Variants in THADA observed in about 807,000 individuals in gnomAD.
THADA encodes the protein THADA armadillo repeat containing.
Under a neutral mutation model 219.8 loss-of-function variants are expected in THADA, and 213 were observed. The observed-to-expected ratio is 0.97, with a 90% CI of 0.87 to 1.09. The LOEUF (loss-of-function observed/expected upper bound fraction) is 1.09, where lower values mean the gene tolerates loss of function less well. Ranked by LOEUF, THADA falls within the 50% of genes least tolerant of loss-of-function variation. The pLI is 0.00. For missense variants in THADA, 2,956 were observed against 2,311.3 expected, an observed-to-expected ratio of 1.28 and a Z score of -5.72; for synonymous variants, 1,018 against 828.9, an observed-to-expected ratio of 1.23 and a Z score of -3.92.
chr2:43,481,752 G>A (rs1182007925), intron 26 of THADA, among the ~76,000 whole-genome samples: 2 of 152,182 alleles, frequency 1.3e-5, no homozygotes, highest in Non-Finnish European at 2.9e-5. Context: ...TTCATGATAA[G>A]TGCTTTCAAA....
chr2:43,495,533 C>G (rs1037823722), intron 25 of THADA, among the ~76,000 whole-genome samples: 1 of 151,864 alleles, frequency 6.6e-6, no homozygotes, highest in Non-Finnish European at 1.5e-5. Flanking sequence ...TAACAGGTGA[C>G]TTTTACTGTT....
chr2:43,569,993 GTCATTAA>G (rs1375856648), intron 14 of THADA, among the ~76,000 whole-genome samples: 1 of 152,174 alleles, frequency 6.6e-6, no homozygotes, highest in Non-Finnish European at 1.5e-5. Flanking sequence ...TGGGCCAAGA[GTCATTAA>G]TATCAAGCCT....
At chr2:43,578,221 C>A (rs935990218) in intron 9 of THADA, among the ~76,000 whole-genome samples, 1 of 151,638 alleles carries the variant, frequency 6.6e-6, no homozygotes, top group African/African-American at 2.4e-5. Context: ...TATCTCACTG[C>A]AGCCTTAAAC....
intron 29 of THADA, among the ~76,000 whole-genome samples, chr2:43,375,990 C>A (rs1418852608): frequency 1.3e-5 from 2 of 152,194 alleles, no homozygotes; most frequent in Admixed American, 6.5e-5. Flanking sequence ...CTGTTTCAGA[C>A]TAAAAGGGGC....
Position 43,298,022 on chromosome 2 carries a change from C to T in THADA, c.4439-4809G>A, listed in dbSNP as rs1387202430. 2.3e-4 allele frequency among the ~76,000 whole-genome samples: 26 copies of T among 111,386 alleles called. 3 individuals carry two copies. Among genetic ancestry groups the T allele is most frequent in the Non-Finnish European group, 7.0e-5 (4 of 57,500 alleles). The allele number at this position is 111,386 out of a possible 152,430, so 73.1% of individuals were successfully genotyped here. ...TGTGGGGGGGGTCAGCCCCCCGGCC[C>T]GGCCAGCCGCCCCGGCCGCCCCTAC... On this transcript the variant is annotated intron_variant, in intron 31 of 37. Transcript: ENST00000405975.
chr2:43,472,268 G>T (rs1276232403), intron 26 of THADA, among the ~76,000 whole-genome samples: 2 of 152,170 alleles, frequency 1.3e-5, no homozygotes, highest in African/African-American at 4.8e-5. Context: ...TATCTCCAGA[G>T]ATGGAAAGCC....
At chr2:43,514,748 A>C (rs1266526223) in intron 22 of THADA, among the ~76,000 whole-genome samples, 1 of 88,158 alleles carries the variant, frequency 1.1e-5, no homozygotes, top group Non-Finnish European at 1.9e-5. Context: ...AATATATAAT[A>C]TTTTATATAT....
intron 26 of THADA, among the ~76,000 whole-genome samples, chr2:43,437,862 T>G (rs983449055): frequency 6.6e-6 from 1 of 152,090 alleles, no homozygotes; most frequent in African/African-American, 2.4e-5. Flanking sequence ...ATCTAAGAAT[T>G]ACATAATCAG....
chr2:43,592,066 A>C lies in THADA; in HGVS notation c.77-20T>G. 6.6e-7 allele frequency: 1 copy of C among 1,510,258 alleles called. No homozygotes were observed. Among genetic ancestry groups the C allele is most frequent in the Non-Finnish European group, 8.9e-7 (1 of 1,127,758 alleles). The allele number at this position is 1,510,258 out of a possible 1,614,324, so 93.6% of individuals were successfully genotyped here. A position where few individuals can be genotyped will look rare whatever the true frequency, so the allele number is the denominator to read the frequency against. ...CAAAAGCTATATAACATATACAAAA[A>C]AAAATTTTCAATGATTTAACAGTGA... On this transcript the variant is annotated intron_variant, in intron 2 of 37. Transcript: ENST00000405975.
At chr2:43,354,307 T>G (rs1042306927) in intron 29 of THADA, among the ~76,000 whole-genome samples, 2 of 152,050 alleles carry the variant, frequency 1.3e-5, no homozygotes, top group African/African-American at 4.8e-5. Context: ...ATAGGGTACA[T>G]AAGATATTTT....
At chr2:43,283,070 C>G (rs539891554) in intron 35 of THADA, among the ~76,000 whole-genome samples, 8 of 152,318 alleles carry the variant, frequency 5.3e-5, no homozygotes, top group African/African-American at 1.7e-4. Flanking sequence ...TGAATTCTCA[C>G]AAGATCTGAT....
intron 22 of THADA, among the ~76,000 whole-genome samples, chr2:43,514,515 A>T (rs971476336): frequency 7.3e-6 from 1 of 136,878 alleles, no homozygotes; most frequent in Non-Finnish European, 1.5e-5. Context: ...TTTTATATAT[A>T]ATATATAATA....
chr2:43,254,411 C>G (rs1670105662), intron 36 of THADA, among the ~76,000 whole-genome samples: 1 of 151,978 alleles, frequency 6.6e-6, no homozygotes, highest in South Asian at 2.1e-4. Context: ...TTCTCAGTTA[C>G]ACGATCCAGT....
At chr2:43,391,657 T>A (rs375121181) in intron 29 of THADA, 1 of 152,108 alleles carries the variant, frequency 6.6e-6, no homozygotes, top group South Asian at 2.1e-4. Flanking sequence ...AAGGCACACA[T>A]AGAAAGTAAT....
intron 30 of THADA, among the ~76,000 whole-genome samples, chr2:43,341,365 G>A (rs558537376): frequency 3.8e-4 from 58 of 152,314 alleles, no homozygotes; most frequent in African/African-American, 1.3e-3. Context: ...GGGGAGCAGA[G>A]GGAATGAGAA....
chr2:43,494,756 A>G (rs1245384985), intron 25 of THADA, among the ~76,000 whole-genome samples: 2 of 152,228 alleles, frequency 1.3e-5, no homozygotes, highest in Middle Eastern at 3.2e-3. Context: ...TCTACAATAC[A>G]GTAAGCAGAT....
At chr2:43,513,041 T>A (rs1250433317) in intron 22 of THADA, among the ~76,000 whole-genome samples, 1 of 152,166 alleles carries the variant, frequency 6.6e-6, no homozygotes, top group Non-Finnish European at 1.5e-5. Context: ...TGGTTTAGAA[T>A]CCTTTCTCTG....
intron 8 of THADA, among the ~76,000 whole-genome samples, chr2:43,580,865 G>C (rs1700362000): frequency 6.6e-6 from 1 of 151,114 alleles, no homozygotes; most frequent in Non-Finnish European, 1.5e-5. Context: ...GGGCGACAAA[G>C]AGAGACTCCA....
intron 4 of THADA, among the ~76,000 whole-genome samples, chr2:43,590,089 A>G (rs947356030): frequency 6.6e-6 from 1 of 152,232 alleles, no homozygotes; most frequent in Non-Finnish European, 1.5e-5. Flanking sequence ...ACGGTAAGTG[A>G]CAATCTTTAC....
Sources: gnomAD v4.1 joint callset for allele counts (sites outside exome capture counted in the v4.1 genomes callset) on GRCh38, gnomAD v4.1.1 for gene constraint, MANE v1.5 for transcripts, NCBI Gene and HGNC (gene_info 2026-07-23, HGNC 2026-07-21) for gene names.